The following TESK2 variants were observed in gnomAD, a reference collection of about 807,000 sequenced individuals.
TESK2 encodes the protein dual specificity testis-specific protein kinase 2.
In TESK2, 39 loss-of-function variants were observed where a neutral mutation model predicts 57.1. The ratio of observed to expected loss-of-function variants is 0.68; its 90% CI spans 0.53 to 0.89. The LOEUF (loss-of-function observed/expected upper bound fraction) is 0.89. TESK2 is among the 40% of genes least tolerant of loss of function. The probability of loss-of-function intolerance (pLI) is 0.00; values close to 1 mark genes in which losing one functional copy is unlikely to be tolerated. For synonymous variants in TESK2, 249 were observed against 267.9 expected, an observed-to-expected ratio of 0.93 and a Z score of 0.69; for missense variants, 646 against 732.1, an observed-to-expected ratio of 0.88 and a Z score of 1.36.
At chr1:45,371,730 T>C (rs932386461) in intron 4 of TESK2, among the ~76,000 whole-genome samples, 4 of 151,500 alleles carry the variant, frequency 2.6e-5, no homozygotes, top group African/African-American at 9.7e-5. Context: ...TAGCTGGGCA[T>C]GGTGATGCAC....
At chr1:45,347,439 G>T (rs1647161829) in intron 7 of TESK2, among the ~76,000 whole-genome samples, 170 bp downstream of exon 7, 1 of 152,160 alleles carries the variant, frequency 6.6e-6, no homozygotes, top group African/African-American at 2.4e-5. Flanking sequence ...GGTGGTGCAT[G>T]CCTGTAATTC....
chr1:45,487,619 T>A (rs1653536540), intron 1 of TESK2, among the ~76,000 whole-genome samples: 1 of 152,198 alleles, frequency 6.6e-6, no homozygotes, highest in South Asian at 2.1e-4. Context: ...TCAACCACAT[T>A]TCTGATTGTC....
In TESK2 at chr1:45,346,978, C is replaced by A; in HGVS notation, c.792+1G>T. The A allele has an allele frequency of 7.4e-6, 12 of 1,614,152 alleles. No individual in the cohort carries two copies. The highest frequency in any genetic ancestry group is 1.0e-5 in the Non-Finnish European group (12 of 1,179,976). On this transcript the variant is annotated splice_donor_variant, in intron 8 of 10. Coordinates refer to ENST00000372086, the MANE Select transcript of TESK2 (RefSeq NM_007170.3). LOFTEE classifies it high-confidence loss of function. ...CAATGATCCCCATGCTTGCAGCTCACCTCTGTGCGGGGAAGATAGTCCGGA... is the reference window on the plus strand; with the variant it reads ...CAATGATCCCCATGCTTGCAGCTCAACTCTGTGCGGGGAAGATAGTCCGGA...
At chr1:45,453,863 A>G (rs183895242) in intron 2 of TESK2, among the ~76,000 whole-genome samples, 1 of 152,324 alleles carries the variant, frequency 6.6e-6, no homozygotes, top group African/African-American at 2.4e-5. Context: ...AAAGGATTCA[A>G]ATACACATTT....
At chr1:45,478,890 A>C (rs929465617) in intron 1 of TESK2, among the ~76,000 whole-genome samples, 3 of 151,730 alleles carry the variant, frequency 2.0e-5, no homozygotes, top group African/African-American at 7.3e-5. Context: ...TGCCCAGCTA[A>C]TTTTTGTATT....
At position 45,347,006 on chromosome 1, in the gene TESK2, G is replaced by C. The variant is rs1043804864; in HGVS notation, c.765C>G (p.Ala255=). 6.2e-7 allele frequency: 1 copy of C among 1,614,202 alleles called. No homozygotes were observed. Among genetic ancestry groups the C allele is most frequent in the Non-Finnish European group, 8.5e-7 (1 of 1,180,034 alleles). Reference sequence around the variant, plus strand: ...CTGTGCGGGGAAGATAGTCCGGATCGGCCTGGATGCGGGCGATGATCTCGC... The same window carrying C: ...CTGTGCGGGGAAGATAGTCCGGATCCGCCTGGATGCGGGCGATGATCTCGC... ...ILCEIIARIQ[A]DPDYLPRTEN... Residue 255 remains alanine (A), a synonymous_variant, in exon 8 of 11, where the codon GCC becomes GCG. Coordinates refer to ENST00000372086, the MANE Select transcript of TESK2 (RefSeq NM_007170.3).
At chr1:45,380,724 G>C (rs1345637448) in intron 4 of TESK2, among the ~76,000 whole-genome samples, 1 of 152,144 alleles carries the variant, frequency 6.6e-6, no homozygotes, top group African/African-American at 2.4e-5. Context: ...CTAATAAACT[G>C]CTAAAATTCC....
chr1:45,389,981 T>G (rs1421826105), intron 3 of TESK2, among the ~76,000 whole-genome samples: 3 of 152,228 alleles, frequency 2.0e-5, no homozygotes, highest in Non-Finnish European at 4.4e-5. Context: ...GGTTCCCTTC[T>G]GCCTACAGAA....
Position 45,347,973 on chromosome 1 carries a change from C to G in TESK2, c.568G>C (p.Gly190Arg). The change falls in exon 6 of 11, where the codon GGT becomes CGT. Residue 190 changes from glycine (G) to arginine (R), a missense_variant. Physicochemically the swap from Gly to Arg is moderately radical, Grantham distance 125 (BLOSUM62 -2). Transcript: ENST00000372086. ...AAGTCAGCTACCACTGCAGAGTAAC[C>G]ATTCTCATCCCTCTTTATCAGGCAG... ...KNCLIKRDENGYSAVVADFGL... is the reference protein window; with the variant it reads ...KNCLIKRDENRYSAVVADFGL... The G allele has an allele frequency of 6.2e-7, 1 of 1,613,608 alleles. No homozygotes were observed. Among genetic ancestry groups the G allele is most frequent in the Non-Finnish European group, 8.5e-7 (1 of 1,179,504 alleles).
chr1:45,378,809 A>G (rs1248241674), intron 4 of TESK2, among the ~76,000 whole-genome samples: 2 of 152,246 alleles, frequency 1.3e-5, no homozygotes, highest in African/African-American at 2.4e-5. Flanking sequence ...GTGTGTATCA[A>G]GTGAATCTCT....
At chr1:45,401,843 G>C (rs981839365) in intron 3 of TESK2, among the ~76,000 whole-genome samples, 4 of 152,160 alleles carry the variant, frequency 2.6e-5, no homozygotes, top group Non-Finnish European at 5.9e-5. Flanking sequence ...AAATCTACCT[G>C]GTTTGCTTTA....
In TESK2 at chr1:45,344,279, A is replaced by G. The variant is rs1382445122; in HGVS notation, c.*561T>C. 1 of 157,696 alleles carries G rather than the reference A, an allele frequency of 6.3e-6. No homozygotes were observed. Among genetic ancestry groups the G allele is most frequent in the African/African-American group, 2.4e-5 (1 of 41,486 alleles). 9.8% of individuals were successfully genotyped at this position (157,696 alleles called of 1,614,324 possible). ...AGGTTAGCTAAGAGCCATGACCACC[A>G]CGCTGCCTTGCTGTCCCCTTGCATA... On this transcript the variant is annotated 3_prime_UTR_variant, in exon 11 of 11. Transcript: ENST00000372086.
chr1:45,406,803 T>G (rs1294615438), intron 3 of TESK2, among the ~76,000 whole-genome samples: 1 of 152,118 alleles, frequency 6.6e-6, no homozygotes, highest in Non-Finnish European at 1.5e-5. Context: ...TAGCTTCAAA[T>G]AGGCATATAA....
At chr1:45,385,306 T>C in intron 4 of TESK2, 1 of 985,128 alleles carries the variant, frequency 1.0e-6, no homozygotes, top group Non-Finnish European at 1.2e-6. Flanking sequence ...GAATTGGCTC[T>C]AAAGAGAGTT....
intron 5 of TESK2, among the ~76,000 whole-genome samples, chr1:45,350,205 G>A (rs543860305): frequency 1.3e-5 from 2 of 152,286 alleles, no homozygotes; most frequent in South Asian, 4.1e-4. Context: ...ACTCTCCATA[G>A]TGAGGACTGA....
Position 45,345,882 on chromosome 1 carries a change from G to T in TESK2, c.992C>A (p.Ala331Asp). 2.5e-6 allele frequency: 4 copies of T among 1,613,284 alleles called. No homozygotes were observed. Among genetic ancestry groups the T allele is most frequent in the South Asian group, 1.1e-5 (1 of 91,066 alleles). Residue 331 changes from alanine to aspartate, a missense_variant, in exon 10 of 11, where the codon GCC becomes GAC. Physicochemically the swap from Ala to Asp is moderately radical, Grantham distance 126. Transcript: ENST00000372086. ...QERDRKLQPT[A>D]RGLLEKAPGV... is the part of the protein sequence containing the mutation. ...TCCCTGGTCTAATCTCTTACCCCTGGCTGTGGGCTGCAGCTTCCTATCCCT... is the reference window on the plus strand; with the variant it reads ...TCCCTGGTCTAATCTCTTACCCCTGTCTGTGGGCTGCAGCTTCCTATCCCT...
chr1:45,485,017 C>A (rs572771777), intron 1 of TESK2, among the ~76,000 whole-genome samples: 38 of 149,864 alleles, frequency 2.5e-4, no homozygotes, highest in Non-Finnish European at 1.0e-4. Flanking sequence ...GGCAACAGAG[C>A]GAGACTCCGT....
At chr1:45,392,030 C>T (rs1649162511) in intron 3 of TESK2, among the ~76,000 whole-genome samples, 1 of 152,174 alleles carries the variant, frequency 6.6e-6, no homozygotes, top group East Asian at 1.9e-4. Flanking sequence ...GTTAGCTATT[C>T]TTGCTAATCT....
intron 2 of TESK2, among the ~76,000 whole-genome samples, chr1:45,428,816 A>ATTTTTTTTTTT (rs71052876): frequency 7.3e-5 from 6 of 82,592 alleles, no homozygotes; most frequent in Non-Finnish European, 1.1e-4. Context: ...TAAATTCCTG[A>ATTTTTTTTTTT]TTTTTTTTTT....
Sources: allele counts gnomAD v4.1 joint callset (sites outside exome capture counted in the v4.1 genomes callset), GRCh38; gene constraint gnomAD v4.1.1; transcripts MANE v1.5; gene names NCBI Gene and HGNC (gene_info 2026-07-23, HGNC 2026-07-21).